SYN3: variants seen among roughly 807,000 people sequenced by gnomAD.
SYN3 encodes synapsin-3.
Under a neutral mutation model 65.8 loss-of-function variants are expected in SYN3, and 35 were observed. The ratio of observed to expected loss-of-function variants is 0.53; its 90% CI spans 0.41 to 0.70. The LOEUF (loss-of-function observed/expected upper bound fraction) is 0.70. Ranked by LOEUF, SYN3 falls within the 30% of genes least tolerant of loss-of-function variation. The pLI is 0.00. For synonymous variants in SYN3, 270 were observed against 292.9 expected (o/e 0.92, Z 0.80); for missense variants, 680 against 749.0 (o/e 0.91, Z 1.08).
chr22:32,759,538 G>A (rs2045391952), intron 6 of SYN3, among the ~76,000 whole-genome samples: 1 of 152,074 alleles, frequency 6.6e-6, no homozygotes, highest in Non-Finnish European at 1.5e-5. Flanking sequence ...TTCCAACCTT[G>A]AGATCTGGCA....
chr22:32,894,003 G>A (rs1474175416), intron 4 of SYN3, among the ~76,000 whole-genome samples: 1 of 152,168 alleles, frequency 6.6e-6, no homozygotes, highest in Non-Finnish European at 1.5e-5. Flanking sequence ...CAATCAGACA[G>A]TGGACACTCA....
intron 6 of SYN3, among the ~76,000 whole-genome samples, chr22:32,636,202 C>T (rs2059811847): frequency 6.7e-6 from 1 of 149,910 alleles, no homozygotes; most frequent in Admixed American, 6.6e-5. Context: ...GAGATTGAGA[C>T]CATCCTGGCT....
chr22:32,568,968 C>T (rs1451511653), intron 7 of SYN3, among the ~76,000 whole-genome samples: 1 of 152,154 alleles, frequency 6.6e-6, no homozygotes, highest in Non-Finnish European at 1.5e-5. Flanking sequence ...CACTATGACA[C>T]ACATTCTTCC....
At chr22:32,754,341 G>A (rs952838885) in intron 6 of SYN3, among the ~76,000 whole-genome samples, 6 of 152,200 alleles carry the variant, frequency 3.9e-5, no homozygotes, top group South Asian at 2.1e-4. Context: ...TAGTAGAGAC[G>A]GGGTTTCACC....
chr22:33,015,366 G>A (rs1024369664), intron 1 of SYN3: 1 of 517,088 alleles, frequency 1.9e-6, no homozygotes, highest in Non-Finnish European at 3.4e-6. Context: ...TACTGTACAG[G>A]GCGAATTTGT....
chr22:32,562,144 A>C (rs1776792435), intron 7 of SYN3, among the ~76,000 whole-genome samples: 1 of 152,188 alleles, frequency 6.6e-6, no homozygotes. Flanking sequence ...CATCCCCCCC[A>C]ATACTTAATT....
At chr22:32,600,496 C>T (rs1386886460) in intron 6 of SYN3, among the ~76,000 whole-genome samples, 1 of 152,140 alleles carries the variant, frequency 6.6e-6, no homozygotes, top group African/African-American at 2.4e-5. Flanking sequence ...ACCCCTGCTC[C>T]AGAGGAAATG....
chr22:32,517,124 C>G (rs1205749524), intron 13 of SYN3, among the ~76,000 whole-genome samples: 2 of 152,198 alleles, frequency 1.3e-5, no homozygotes, highest in East Asian at 3.9e-4. Flanking sequence ...GTAGCCTGCC[C>G]TTTTGAGATG....
chr22:32,543,970 C>T (rs2058298864), intron 7 of SYN3, among the ~76,000 whole-genome samples: 1 of 152,158 alleles, frequency 6.6e-6, no homozygotes, highest in Non-Finnish European at 1.5e-5. Context: ...GACAGGGTCT[C>T]AATATGTTAC....
chr22:32,888,491 G>C (rs1335585890), intron 4 of SYN3, among the ~76,000 whole-genome samples: 1 of 152,188 alleles, frequency 6.6e-6, no homozygotes, highest in Non-Finnish European at 1.5e-5. Context: ...TTACTCTACA[G>C]CCTCGCTGAC....
Position 33,058,316 on chromosome 22 carries a change from GC to G in SYN3, c.-188del, listed in dbSNP as rs2054286176. 6.7e-6 allele frequency: 1 copy of G among 149,758 alleles called. No homozygotes were observed. The highest frequency in any genetic ancestry group is 1.5e-5 in the Non-Finnish European group (1 of 67,456). The allele number at this position is 149,758 out of a possible 1,614,324, so 9.3% of individuals were successfully genotyped here. On this transcript the variant is annotated 5_prime_UTR_variant, in exon 1 of 14. Transcript: ENST00000358763. ...CCGTGCGAGCCGCCAGGAACTCGGCGCCCGGTGGTGCCTCGGCGCGGCGCCC... is the reference window on the plus strand; with the variant it reads ...CCGTGCGAGCCGCCAGGAACTCGGCGCCGGTGGTGCCTCGGCGCGGCGCCC...
rs929111 is a variant in SYN3 at position 32,923,223 on chromosome 22, G to A, written c.461+8167C>T. On this transcript the variant is annotated intron_variant, in intron 4 of 13. Transcript: ENST00000358763. ...GTCTGAAGGCCTAAGAACCAGGAGC[G>A]TTGATGTCCAAGGGCAGGAGAAGAC... 2.6e-5 allele frequency among the ~76,000 whole-genome samples: 4 copies of A among 151,928 alleles called. No individual in the cohort carries two copies. The South Asian group carries it at 6.2e-4, about 24-fold the overall frequency.
At chr22:32,809,165 T>G (rs2046843633) in intron 6 of SYN3, among the ~76,000 whole-genome samples, 1 of 152,234 alleles carries the variant, frequency 6.6e-6, no homozygotes, top group Admixed American at 6.5e-5. Flanking sequence ...ATGAGCTGTC[T>G]CAGGCTAGGG....
At chr22:32,903,520 G>C (rs1225680781) in intron 4 of SYN3, among the ~76,000 whole-genome samples, 1 of 152,170 alleles carries the variant, frequency 6.6e-6, no homozygotes, top group Non-Finnish European at 1.5e-5. Context: ...TGTGGGTAGG[G>C]GGAGGGGGCT....
At chr22:32,599,663 T>C (rs1363563425) in intron 6 of SYN3, among the ~76,000 whole-genome samples, 1 of 152,106 alleles carries the variant, frequency 6.6e-6, no homozygotes, top group Non-Finnish European at 1.5e-5. Flanking sequence ...ACTCTCTCCA[T>C]CAAGGCACAC....
intron 6 of SYN3, among the ~76,000 whole-genome samples, chr22:32,791,578 T>C (rs139878274): frequency 0.011 from 1,620 of 151,594 alleles, 28 homozygotes; most frequent in African/African-American, 0.037. Flanking sequence ...TTGCATCCCT[T>C]CTTATTTTCC....
chr22:32,754,212 C>T (rs868764076), intron 6 of SYN3, among the ~76,000 whole-genome samples: 21 of 151,982 alleles, frequency 1.4e-4, no homozygotes, highest in African/African-American at 3.4e-4. Context: ...AGTGCAGTGG[C>T]GCGATCTTGG....
intron 3 of SYN3, among the ~76,000 whole-genome samples, chr22:32,966,787 G>A (rs990634762): frequency 4.6e-5 from 7 of 152,076 alleles, no homozygotes; most frequent in Non-Finnish European, 8.8e-5. Flanking sequence ...GTTGTGGTGC[G>A]CACCTGTCAT....
chr22:32,794,157 G>A (rs921190307), intron 6 of SYN3, among the ~76,000 whole-genome samples: 11 of 152,204 alleles, frequency 7.2e-5, no homozygotes, highest in African/African-American at 2.2e-4. Flanking sequence ...CCATGAAAAG[G>A]AGAATTCCAG....
Sources: allele counts gnomAD v4.1 joint callset (sites outside exome capture counted in the v4.1 genomes callset), GRCh38; gene constraint gnomAD v4.1.1; transcripts MANE v1.5; gene names NCBI Gene and HGNC (gene_info 2026-07-23, HGNC 2026-07-21).